The following LARGE1 variants were observed in gnomAD, a reference collection of about 807,000 sequenced individuals.
LARGE1 encodes LARGE xylosyl- and glucuronyltransferase 1.
LARGE1 carries 43 observed loss-of-function variants against 87.6 expected under a neutral mutation model. The ratio of observed to expected loss-of-function variants is 0.49; its 90% CI spans 0.38 to 0.63. The LOEUF (loss-of-function observed/expected upper bound fraction) is 0.63. LARGE1 is among the 30% of genes least tolerant of loss of function. LARGE1 has a pLI of 0.00. For missense variants in LARGE1, 802 were observed against 1,000.2 expected, an observed-to-expected ratio of 0.80 and a Z score of 2.67; for synonymous variants, 434 against 394.6, an observed-to-expected ratio of 1.10 and a Z score of -1.18.
Position 33,308,662 on chromosome 22 carries a change from C to T in LARGE1, c.1452-4155G>A, listed in dbSNP as rs1935214512. 2.0e-5 allele frequency among the ~76,000 whole-genome samples: 3 copies of T among 152,132 alleles called. No individual in the cohort carries two copies. In the South Asian group the frequency reaches 6.2e-4, roughly 32 times the overall value. Reference sequence around the variant, plus strand: ...CCTGCCGCCATGTGAACTAGCCCTACACCACCTTGCCCTGGCGTTCCCATG... The same window carrying T: ...CCTGCCGCCATGTGAACTAGCCCTATACCACCTTGCCCTGGCGTTCCCATG... On this transcript the variant is annotated intron_variant, in intron 11 of 14. Coordinates refer to ENST00000397394, the MANE Select transcript of LARGE1 (RefSeq NM_133642.5).
rs185260699 is a variant in LARGE1 at position 33,361,329 on chromosome 22, C to T, written c.1131+20590G>A. ...CTGATGACTTTCCTAATGAGGTTCA[C>T]AGGGGTTTGACACAACAACTTCCTC... On this transcript the variant is annotated intron_variant, in intron 9 of 14. Transcript: ENST00000397394. Among the ~76,000 whole-genome samples, 326 of 149,842 alleles carry T rather than the reference C, an allele frequency of 2.2e-3. 28 individuals carry two copies. The highest frequency in any genetic ancestry group is 6.4e-3 in the African/African-American group (261 of 40,830).
intron 1 of LARGE1, among the ~76,000 whole-genome samples, chr22:33,771,684 CTTCTT>C (rs2085072140): frequency 6.6e-6 from 1 of 152,172 alleles, no homozygotes; most frequent in Non-Finnish European, 1.5e-5. Flanking sequence ...TCTGGCCTCT[CTTCTT>C]AGCTCCAGGT....
intron 9 of LARGE1, among the ~76,000 whole-genome samples, chr22:33,366,924 T>C (rs1410740987): frequency 2.0e-5 from 3 of 152,230 alleles, no homozygotes; most frequent in Admixed American, 6.5e-5. Flanking sequence ...GAAATGTCCT[T>C]GGATTAAAAA....
At chr22:33,305,857 T>TTTTTTG (rs1934822434) in intron 11 of LARGE1, among the ~76,000 whole-genome samples, 1 of 151,174 alleles carries the variant, frequency 6.6e-6, no homozygotes, top group African/African-American at 2.4e-5. Flanking sequence ...TTTTTTTTTT[T>TTTTTTG]TGAGGCGGAG....
intron 9 of LARGE1, among the ~76,000 whole-genome samples, chr22:33,350,075 G>A (rs1242971511): frequency 1.3e-5 from 2 of 152,022 alleles, no homozygotes; most frequent in East Asian, 1.9e-4. Context: ...GCTAAGGAGG[G>A]GATAAAAGGA....
intron 12 of LARGE1, among the ~76,000 whole-genome samples, chr22:33,303,430 G>A (rs1171890180): frequency 6.6e-6 from 1 of 152,166 alleles, no homozygotes; most frequent in Non-Finnish European, 1.5e-5. Flanking sequence ...CCACGGCAGG[G>A]ACTTTGGGGG....
At chr22:33,503,960 A>C (rs1374172104) in intron 6 of LARGE1, among the ~76,000 whole-genome samples, 1 of 152,200 alleles carries the variant, frequency 6.6e-6, no homozygotes, top group African/African-American at 2.4e-5. Flanking sequence ...GGAATTCCAT[A>C]CATGGTATGA....
intron 11 of LARGE1, among the ~76,000 whole-genome samples, chr22:33,171,845 C>G (rs1352885562): frequency 6.6e-6 from 1 of 152,170 alleles, no homozygotes; most frequent in Admixed American, 6.5e-5. Context: ...CACACAGAGT[C>G]CCCACTGGGG....
At chr22:33,463,472 TAAC>T (rs1362109787) in intron 6 of LARGE1, among the ~76,000 whole-genome samples, 1 of 152,098 alleles carries the variant, frequency 6.6e-6, no homozygotes, top group East Asian at 1.9e-4. Flanking sequence ...AATAAAATAA[TAAC>T]AAATCAGGTT....
chr22:33,523,255 T>C (rs1018095221), intron 6 of LARGE1, among the ~76,000 whole-genome samples: 3 of 151,960 alleles, frequency 2.0e-5, no homozygotes, highest in Admixed American at 2.0e-4. Flanking sequence ...CCGCCCACCT[T>C]GACCTCCCAA....
chr22:33,575,518 C>G (rs746143746), intron 5 of LARGE1, among the ~76,000 whole-genome samples: 1 of 152,128 alleles, frequency 6.6e-6, no homozygotes, highest in Non-Finnish European at 1.5e-5. Flanking sequence ...TAACCAGCAT[C>G]AACAGGAGAA....
intron 1 of LARGE1, among the ~76,000 whole-genome samples, chr22:33,870,461 C>T (rs1273016141): frequency 6.6e-6 from 1 of 152,136 alleles, no homozygotes; most frequent in African/African-American, 2.4e-5. Flanking sequence ...CAACAAATAC[C>T]AGTGACAGGT....
At chr22:33,348,576 G>T (rs1208908538) in intron 9 of LARGE1, among the ~76,000 whole-genome samples, 1 of 152,176 alleles carries the variant, frequency 6.6e-6, no homozygotes, top group Non-Finnish European at 1.5e-5. Flanking sequence ...GTGTGTTTGT[G>T]AGGGTGTTTG....
chr22:33,611,242 G>A (rs2079419310), intron 4 of LARGE1, among the ~76,000 whole-genome samples: 1 of 1,690 alleles, frequency 5.9e-4, no homozygotes. Context: ...CACTGGCGAT[G>A]TGCACCTTTG....
chr22:33,343,602 C>A (rs1177495255), intron 9 of LARGE1, among the ~76,000 whole-genome samples: 1 of 152,110 alleles, frequency 6.6e-6, no homozygotes. Flanking sequence ...GGTTGAATAG[C>A]TTAGTAGATG....
At chr22:33,197,257 G>C (rs746574748) in intron 11 of LARGE1, among the ~76,000 whole-genome samples, 20 of 152,004 alleles carry the variant, frequency 1.3e-4, no homozygotes, top group Admixed American at 2.6e-4. Flanking sequence ...CTTATAACTT[G>C]TATTCGATTT....
At chr22:33,137,444 G>C in the LARGE1 span, 1 of 152,216 alleles carries the variant, frequency 6.6e-6, no homozygotes, top group Non-Finnish European at 1.5e-5. Context: ...GGGAGGCAGA[G>C]CATAAGAGTT....
chr22:33,614,066 A>C (rs1379963728), intron 4 of LARGE1, among the ~76,000 whole-genome samples: 1 of 151,962 alleles, frequency 6.6e-6, no homozygotes, highest in African/African-American at 2.4e-5. Flanking sequence ...CTGGGTCTTG[A>C]AAGCAAAACT....
At chr22:33,522,442 C>T (rs1434223307) in intron 6 of LARGE1, among the ~76,000 whole-genome samples, 1 of 152,136 alleles carries the variant, frequency 6.6e-6, no homozygotes, top group Non-Finnish European at 1.5e-5. Context: ...CCTGTAATCC[C>T]AGCACTGTGG....
Sources: gnomAD v4.1 joint callset for allele counts (sites outside exome capture counted in the v4.1 genomes callset) on GRCh38, gnomAD v4.1.1 for gene constraint, MANE v1.5 for transcripts, NCBI Gene and HGNC (gene_info 2026-07-23, HGNC 2026-07-21) for gene names.